CCDC178: variants seen among roughly 807,000 people sequenced by gnomAD.
CCDC178 encodes coiled-coil domain containing 178.
A neutral mutation model predicts 117.4 loss-of-function variants in CCDC178; 126 were observed. That is an observed-to-expected ratio of 1.07 (90% CI 0.93 to 1.24). The LOEUF (loss-of-function observed/expected upper bound fraction) is 1.24, where lower values mean the gene tolerates loss of function less well. Among genes scored for constraint, CCDC178 ranks in the 50% most tolerant of loss-of-function variants. The pLI, the probability that CCDC178 is intolerant of heterozygous loss-of-function variation, is 0.00. For missense variants in CCDC178, 1,030 were observed against 986.9 expected (o/e 1.04, Z -0.59); for synonymous variants, 283 against 313.4 (o/e 0.90, Z 1.02).
chr18:32,981,718 C>T (rs563296765), intron 21 of CCDC178, among the ~76,000 whole-genome samples: 1 of 152,142 alleles, frequency 6.6e-6, no homozygotes, highest in South Asian at 2.1e-4. Flanking sequence ...TTGTTATATA[C>T]CCACTAAATG....
chr18:33,033,881 C>T (rs1362228655), intron 21 of CCDC178, among the ~76,000 whole-genome samples: 2 of 151,848 alleles, frequency 1.3e-5, no homozygotes, highest in Non-Finnish European at 2.9e-5. Flanking sequence ...AATCCCATGA[C>T]TTATTCTGCT....
intron 14 of CCDC178, among the ~76,000 whole-genome samples, chr18:33,259,075 T>TG (rs34110721): frequency 0.067 from 10,228 of 152,022 alleles, 508 homozygotes; most frequent in African/African-American, 0.14. Context: ...AGTTACAAGG[T>TG]GTGGGTTTGT....
At chr18:33,017,548 T>G (rs1433663280) in intron 21 of CCDC178, among the ~76,000 whole-genome samples, 1 of 151,832 alleles carries the variant, frequency 6.6e-6, no homozygotes, top group African/African-American at 2.4e-5. Context: ...ATAATCCCAA[T>G]AAAAAGTCAA....
At chr18:33,020,116 G>GTTTTTTT (rs974063654) in intron 21 of CCDC178, among the ~76,000 whole-genome samples, 1 of 135,668 alleles carries the variant, frequency 7.4e-6, no homozygotes, top group Non-Finnish European at 1.6e-5. Context: ...CGGATAATTG[G>GTTTTTTT]TTTTTTTTTT....
chr18:32,955,834 A>G (rs986273163), intron 22 of CCDC178, among the ~76,000 whole-genome samples: 1 of 152,178 alleles, frequency 6.6e-6, no homozygotes, highest in Non-Finnish European at 1.5e-5. Flanking sequence ...TGGAATTTGT[A>G]TAAGTTTTCA....
intron 22 of CCDC178, among the ~76,000 whole-genome samples, chr18:32,941,102 G>T (rs2054230423): frequency 6.6e-6 from 1 of 151,224 alleles, no homozygotes; most frequent in African/African-American, 2.4e-5. Context: ...AATTCTGAAA[G>T]ACGCTTACAA....
intron 21 of CCDC178, among the ~76,000 whole-genome samples, chr18:32,980,855 G>C (rs990735340): frequency 6.6e-6 from 1 of 152,108 alleles, no homozygotes; most frequent in African/African-American, 2.4e-5. Flanking sequence ...TGTATAATTT[G>C]ATACAAAAAC....
chr18:33,362,188 T>TAC (rs1340764525), intron 6 of CCDC178, among the ~76,000 whole-genome samples: 16 of 13,626 alleles, frequency 1.2e-3, no homozygotes, highest in Non-Finnish European at 1.0e-3. Context: ...TGTATATATA[T>TAC]ACATATATAT....
At chr18:33,260,901 C>T (rs1248231393) in intron 14 of CCDC178, among the ~76,000 whole-genome samples, 2 of 152,034 alleles carry the variant, frequency 1.3e-5, no homozygotes, top group African/African-American at 4.8e-5. Flanking sequence ...ACTTTCTACT[C>T]ATTTCCACTG....
intron 11 of CCDC178, among the ~76,000 whole-genome samples, chr18:33,318,550 A>G (rs2062453504): frequency 1.3e-5 from 2 of 152,328 alleles, no homozygotes; most frequent in South Asian, 2.1e-4. Context: ...CACAATAAGA[A>G]AATCTAATAT....
intron 20 of CCDC178, among the ~76,000 whole-genome samples, chr18:33,136,571 T>A (rs1350835156): frequency 1.3e-5 from 2 of 152,132 alleles, no homozygotes; most frequent in East Asian, 1.9e-4. Context: ...AGAAGAATAA[T>A]ATATGTGTGG....
chr18:32,999,459 C>T (rs1490940748), intron 21 of CCDC178, among the ~76,000 whole-genome samples: 1 of 152,164 alleles, frequency 6.6e-6, no homozygotes, highest in Non-Finnish European at 1.5e-5. Context: ...TTGCCACCTG[C>T]TGATTCTAGA....
chr18:33,405,103 A>AT (rs1435587077), intron 3 of CCDC178, among the ~76,000 whole-genome samples: 1 of 152,050 alleles, frequency 6.6e-6, no homozygotes, highest in African/African-American at 2.4e-5. Context: ...ATTTTATGCT[A>AT]TGTGAATTGT....
At chr18:33,328,758 T>C (rs934169814) in intron 10 of CCDC178, among the ~76,000 whole-genome samples, 2 of 152,174 alleles carry the variant, frequency 1.3e-5, no homozygotes, top group South Asian at 2.1e-4. Flanking sequence ...TGTGGTCTTC[T>C]TTAACAAGAT....
chr18:33,232,611 G>A (rs1230128728), intron 15 of CCDC178, among the ~76,000 whole-genome samples: 1 of 152,166 alleles, frequency 6.6e-6, no homozygotes, highest in Non-Finnish European at 1.5e-5. Flanking sequence ...GACCCTAACA[G>A]AAAGTATAGG....
At chr18:32,958,226 A>C in intron 22 of CCDC178, 2 of 567,656 alleles carry the variant, frequency 3.5e-6, no homozygotes, top group Non-Finnish European at 6.4e-6. Context: ...CTGGTTCTGT[A>C]AAACAAAAAC....
intron 21 of CCDC178, among the ~76,000 whole-genome samples, chr18:33,073,526 T>A (rs1231691802): frequency 6.7e-6 from 1 of 148,592 alleles, no homozygotes; most frequent in Non-Finnish European, 1.5e-5. Flanking sequence ...TATCTATCTA[T>A]CTATCTATCT....
intron 7 of CCDC178, among the ~76,000 whole-genome samples, chr18:33,350,761 G>A (rs576188338): frequency 6.6e-6 from 1 of 152,182 alleles, no homozygotes; most frequent in Admixed American, 6.5e-5. Flanking sequence ...GTTTGAACAT[G>A]TTTTGAATCC....
chr18:33,355,427 G>A (rs563575977), intron 7 of CCDC178, among the ~76,000 whole-genome samples: 1 of 152,184 alleles, frequency 6.6e-6, no homozygotes, highest in Admixed American at 6.5e-5. Context: ...TCCAATCTTG[G>A]CAGATTTGGT....
Sources: gnomAD v4.1 joint callset for allele counts (sites outside exome capture counted in the v4.1 genomes callset) on GRCh38, gnomAD v4.1.1 for gene constraint, MANE v1.5 for transcripts, NCBI Gene and HGNC (gene_info 2026-07-23, HGNC 2026-07-21) for gene names.